RIN2: variants seen among roughly 807,000 people sequenced by gnomAD.
RIN2 encodes RAB5 interacting protein 2.
A neutral mutation model predicts 78.0 loss-of-function variants in RIN2; 36 were observed. That is an observed-to-expected ratio of 0.46 (90% confidence interval 0.35 to 0.61). The LOEUF is 0.61. Among genes scored for constraint, RIN2 ranks in the 20% least tolerant of loss-of-function variants. RIN2 has a pLI of 0.00. For missense variants in RIN2, 1,087 were observed against 1,159.7 expected, an observed-to-expected ratio of 0.94 and a Z score of 0.91; for synonymous variants, 466 against 466.8, an observed-to-expected ratio of 1.00 and a Z score of 0.02.
At chr20:19,941,598 G>A (rs1226138412) in intron 4 of RIN2, among the ~76,000 whole-genome samples, 1 of 152,118 alleles carries the variant, frequency 6.6e-6, no homozygotes, top group African/African-American at 2.4e-5. Context: ...CTACAGGGCA[G>A]GCCGTGTAGC....
chr20:19,864,835 A>G (rs1007693088), intron 2 of RIN2, among the ~76,000 whole-genome samples: 1 of 152,232 alleles, frequency 6.6e-6, no homozygotes, highest in African/African-American at 2.4e-5. Flanking sequence ...TCTCTACCAG[A>G]CAAATTTTAT....
In RIN2 at chr20:19,996,806, C is replaced by A. The variant is rs930244710; in HGVS notation, c.2328C>A (p.Thr776=). The A allele has an allele frequency of 1.2e-6, 2 of 1,606,638 alleles. No individual in the cohort carries two copies. The highest frequency in any genetic ancestry group is 1.7e-6 in the Non-Finnish European group (2 of 1,176,392). The change falls in exon 12 of 13, where the codon ACC becomes ACA. Residue 776 remains threonine, a synonymous_variant. Coordinates refer to ENST00000255006, the MANE Select transcript of RIN2 (RefSeq NM_018993.4). ...TGAGGCAGTGGCACAAACGGAGAAC[C>A]ACCAACCGGACCATCCCCTCTGTGG... The part of the protein sequence containing the change: ...DTLRQWHKRR[T]TNRTIPSVDD...
intron 2 of RIN2, among the ~76,000 whole-genome samples, chr20:19,844,592 TGCTTCTTCC>T (rs1214483777): frequency 3.9e-4 from 30 of 77,780 alleles, no homozygotes; most frequent in African/African-American, 1.2e-3. Context: ...CTGCTGCTGC[TGCTTCTTCC>T]TCTTCTTCTT....
At chr20:19,929,678 A>G (rs2040366537) in intron 3 of RIN2, among the ~76,000 whole-genome samples, 1 of 152,118 alleles carries the variant, frequency 6.6e-6, no homozygotes, top group Non-Finnish European at 1.5e-5. Flanking sequence ...ACCAACTGCT[A>G]TTGGCTTTGT....
At chr20:19,844,692 C>CTTCTTCTTCTTCTTCTTCTTCTTCT (rs1555832328) in intron 2 of RIN2, among the ~76,000 whole-genome samples, 2 of 117,626 alleles carry the variant, frequency 1.7e-5, no homozygotes, top group African/African-American at 6.7e-5. Flanking sequence ...CTTCCTCTTC[C>CTTCTTCTTCTTCTTCTTCTTCTTCT]TCTTCCTCTT....
chr20:19,942,846 A>T (rs1263720586), intron 4 of RIN2, among the ~76,000 whole-genome samples: 1 of 152,160 alleles, frequency 6.6e-6, no homozygotes, highest in African/African-American at 2.4e-5. Context: ...AGTTGGAGCT[A>T]TTTTGACCTT....
In RIN2 at chr20:19,889,577, G is replaced by A. The variant is rs374383082; in HGVS notation, c.-25G>A. 4.4e-5 allele frequency: 68 copies of A among 1,549,288 alleles called. No individual in the cohort carries two copies. In the Admixed American group the frequency reaches 7.1e-4, roughly 16 times the overall value. ...GTCTCTACCTTCAGGAGTCCCCGGC[G>A]TGCAGTGGAGCCTCGCTGGGGGAAA... On this transcript the variant is annotated 5_prime_UTR_variant, in exon 3 of 13. It adds an upstream start codon to the 5' untranslated region. Coordinates refer to ENST00000255006, the MANE Select transcript of RIN2 (RefSeq NM_018993.4).
intron 5 of RIN2, among the ~76,000 whole-genome samples, chr20:19,959,206 TTCG>T (rs2041656902): frequency 6.6e-6 from 1 of 152,136 alleles, no homozygotes; most frequent in Non-Finnish European, 1.5e-5. Context: ...CAGGATGGAT[TTCG>T]TCTGCAGGCC....
chr20:19,759,975 A>G (rs1424655335), intron 1 of RIN2, among the ~76,000 whole-genome samples: 1 of 152,224 alleles, frequency 6.6e-6, no homozygotes, highest in Non-Finnish European at 1.5e-5. Context: ...TGACAGTGGC[A>G]TGCAACAGAT....
intron 2 of RIN2, among the ~76,000 whole-genome samples, chr20:19,881,692 TTAGCCTCCTGAG>T (rs375452885): frequency 2.0e-5 from 3 of 152,266 alleles, no homozygotes; most frequent in African/African-American, 4.8e-5. Flanking sequence ...TCCTCCCTCT[TTAGCCTCCTGAG>T]TAGCAGCTGG....
chr20:19,858,456 TA>T (rs2037232639), intron 2 of RIN2, among the ~76,000 whole-genome samples: 2 of 152,234 alleles, frequency 1.3e-5, no homozygotes, highest in African/African-American at 2.4e-5. Context: ...CCAGCCCAAA[TA>T]TCTGCATTGC....
chr20:19,821,264 GC>G (rs2035917882), intron 2 of RIN2, among the ~76,000 whole-genome samples: 1 of 152,050 alleles, frequency 6.6e-6, no homozygotes, highest in Non-Finnish European at 1.5e-5. Context: ...TCCCACCATA[GC>G]TTTTATCTTT....
chr20:19,889,852 A>G (rs1325134291), intron 3 of RIN2, among the ~76,000 whole-genome samples, 194 bp downstream of exon 3: 1 of 152,162 alleles, frequency 6.6e-6, no homozygotes, highest in Non-Finnish European at 1.5e-5. Flanking sequence ...TAGTGCTTTC[A>G]TACAGGCACA....
chr20:19,834,313 T>C (rs1016790775), intron 2 of RIN2, among the ~76,000 whole-genome samples: 3 of 152,146 alleles, frequency 2.0e-5, no homozygotes, highest in African/African-American at 7.2e-5. Context: ...CTGGGACCCA[T>C]TTTTGCCAAA....
intron 1 of RIN2, among the ~76,000 whole-genome samples, chr20:19,784,434 T>C (rs1422729475): frequency 6.6e-6 from 1 of 152,144 alleles, no homozygotes; most frequent in Non-Finnish European, 1.5e-5. Context: ...GAAGAGCAAA[T>C]AGATTTGGGT....
intron 1 of RIN2, among the ~76,000 whole-genome samples, chr20:19,770,060 T>C (rs2034053745): frequency 6.6e-6 from 1 of 152,166 alleles, no homozygotes; most frequent in Non-Finnish European, 1.5e-5. Flanking sequence ...TTCTGAGGAA[T>C]TGTTTCTATT....
chr20:19,934,160 T>A (rs1162882410), intron 3 of RIN2, among the ~76,000 whole-genome samples: 1 of 152,184 alleles, frequency 6.6e-6, no homozygotes, highest in East Asian at 1.9e-4. Context: ...TTTGTATGGA[T>A]CATATCTATA....
At chr20:19,761,739 T>G (rs2033649304) in intron 1 of RIN2, among the ~76,000 whole-genome samples, 1 of 152,204 alleles carries the variant, frequency 6.6e-6, no homozygotes, top group Non-Finnish European at 1.5e-5. Flanking sequence ...GTGTATCCAA[T>G]TAACTCAAGT....
intron 3 of RIN2, among the ~76,000 whole-genome samples, chr20:19,892,332 C>T (rs141804491): frequency 3.3e-5 from 5 of 152,178 alleles, no homozygotes; most frequent in Non-Finnish European, 5.9e-5. Flanking sequence ...TTCTCTGCCT[C>T]AGCCTCCCGA....
Sources: gnomAD v4.1 joint callset for allele counts (sites outside exome capture counted in the v4.1 genomes callset) on GRCh38, gnomAD v4.1.1 for gene constraint, MANE v1.5 for transcripts, NCBI Gene and HGNC (gene_info 2026-07-23, HGNC 2026-07-21) for gene names.